The following TMEM91 variants were observed in gnomAD, a reference collection of about 807,000 sequenced individuals.
TMEM91 encodes the protein transmembrane protein 91.
TMEM91 carries 6 observed loss-of-function variants against 13.3 expected under a neutral mutation model. That is an observed-to-expected ratio of 0.45 (90% confidence interval 0.25 to 0.89). The LOEUF (loss-of-function observed/expected upper bound fraction) is 0.89. Ranked by LOEUF, TMEM91 falls within the 40% of genes least tolerant of loss-of-function variation. TMEM91 has a pLI of 0.19. For missense variants in TMEM91, 193 were observed against 228.7 expected, an observed-to-expected ratio of 0.84 and a Z score of 1.01; for synonymous variants, 87 against 101.7, an observed-to-expected ratio of 0.86 and a Z score of 0.87.
chr19:41,370,752 T>C (rs1446791001), intron 1 of TMEM91, among the ~76,000 whole-genome samples: 1 of 151,388 alleles, frequency 6.6e-6, no homozygotes, highest in Non-Finnish European at 1.5e-5. Context: ...GCCTAGGCTG[T>C]GGTGTAGCAA....
upstream of TMEM91, among the ~76,000 whole-genome samples, chr19:41,371,565 G>A (rs1025235187): frequency 1.3e-4 from 19 of 151,598 alleles, no homozygotes; most frequent in African/African-American, 3.1e-4. Flanking sequence ...GACTACAGGC[G>A]CACACCACCA....
In TMEM91 at chr19:41,383,638, T is replaced by A. The variant is rs778126120; in HGVS notation, c.361-77T>A. ...ATGCATGAATGAATGAATGGGTATGTTGGGTGGGGGAGGGACCAGGGGAAG... is the reference window on the plus strand; with the variant it reads ...ATGCATGAATGAATGAATGGGTATGATGGGTGGGGGAGGGACCAGGGGAAG... On this transcript the variant is annotated intron_variant, in intron 3 of 3. Coordinates refer to ENST00000392002, the MANE Select transcript of TMEM91 (RefSeq NM_001098821.2). 1.9e-6 allele frequency: 3 copies of A among 1,614,008 alleles called. No individual in the cohort carries two copies. In the East Asian group the frequency reaches 6.7e-5, roughly 36 times the overall value.
intron 2 of TMEM91, among the ~76,000 whole-genome samples, chr19:41,381,231 C>T (rs940941396): frequency 6.6e-5 from 10 of 151,882 alleles, no homozygotes; most frequent in Non-Finnish European, 8.8e-5. Context: ...TGCTCCGTTG[C>T]TCAGGCTGGG....
At chr19:41,370,618 G>T (rs1003448306) in intron 1 of TMEM91, among the ~76,000 whole-genome samples, 1 of 151,780 alleles carries the variant, frequency 6.6e-6, no homozygotes, top group African/African-American at 2.4e-5. Context: ...TATTGGCCAC[G>T]CTGGTCTCGA....
At chr19:41,364,871 C>CTT (rs2038488101) in intron 1 of TMEM91, among the ~76,000 whole-genome samples, 1 of 151,732 alleles carries the variant, frequency 6.6e-6, no homozygotes, top group African/African-American at 2.4e-5. Context: ...TCAAGCCAGT[C>CTT]ATCAGGTCCC....
upstream of TMEM91, among the ~76,000 whole-genome samples, chr19:41,372,216 G>A (rs1159424955): frequency 1.3e-5 from 2 of 152,108 alleles, no homozygotes; most frequent in Non-Finnish European, 2.9e-5. Context: ...GCATGGTTGT[G>A]CGTGCCTGTA....
intron 1 of TMEM91, chr19:41,364,123 C>G (rs563383867): frequency 6.1e-6 from 1 of 164,596 alleles, no homozygotes; most frequent in African/African-American, 2.4e-5. Flanking sequence ...CGCGACCGCG[C>G]TCGTCTTGGT....
chr19:41,368,560 C>T (rs1451122099), intron 1 of TMEM91, among the ~76,000 whole-genome samples: 1 of 151,900 alleles, frequency 6.6e-6, no homozygotes, highest in Non-Finnish European at 1.5e-5. Context: ...CAGGCATGTG[C>T]CACCACACCC....
chr19:41,373,930 G>T (rs886623733), upstream of TMEM91: 5 of 152,034 alleles, frequency 3.3e-5, no homozygotes, highest in African/African-American at 1.2e-4. Context: ...CTCCCTCCTC[G>T]GCCTCCCAAA....
Position 41,376,834 on chromosome 19 carries a change from C to T in TMEM91, c.-50C>T, listed in dbSNP as rs1196320940. The T allele has an allele frequency of 6.6e-6, 1 of 152,444 alleles. No homozygotes were observed. The highest frequency in any genetic ancestry group is 1.5e-5 in the Non-Finnish European group (1 of 68,242). 9.4% of individuals were successfully genotyped at this position (152,444 alleles called of 1,614,324 possible). A position where few individuals can be genotyped will look rare whatever the true frequency, so the allele number is the denominator to read the frequency against. On this transcript the variant is annotated 5_prime_UTR_variant, in exon 1 of 4. Transcript: ENST00000392002. ...GTGTCATTGCGAGGGTTCAGGAAGC[C>T]CCGGCCTGTGATCGTGAGCGGTGAG...
At chr19:41,380,496 C>T (rs1174186593) in intron 2 of TMEM91, among the ~76,000 whole-genome samples, 4 of 152,212 alleles carry the variant, frequency 2.6e-5, no homozygotes, top group East Asian at 1.9e-4. Flanking sequence ...CATGTGGGGC[C>T]GGGCGCTGTG....
intron 1 of TMEM91, among the ~76,000 whole-genome samples, chr19:41,369,610 G>A (rs2038582503): frequency 6.6e-6 from 1 of 151,280 alleles, no homozygotes; most frequent in South Asian, 2.1e-4. Context: ...TTCGAGACAA[G>A]CCTGGCCAAC....
intron 3 of TMEM91, 102 bp downstream of exon 3, chr19:41,383,023 C>A: frequency 6.7e-7 from 1 of 1,483,678 alleles, no homozygotes; most frequent in Non-Finnish European, 9.1e-7. Context: ...TGGAAGGTAG[C>A]CCAGAGAACC....
At chr19:41,382,349 T>C (rs1013118656) in intron 2 of TMEM91, among the ~76,000 whole-genome samples, 3 of 151,950 alleles carry the variant, frequency 2.0e-5, no homozygotes, top group Non-Finnish European at 4.4e-5. Flanking sequence ...TCTGGCCAGG[T>C]GTGGTGGCTC....
intron 1 of TMEM91, 81 bp from the exon 2 acceptor site, chr19:41,378,200 T>C: frequency 9.3e-7 from 1 of 1,073,680 alleles, no homozygotes; most frequent in Non-Finnish European, 1.4e-6. Context: ...AGTCTCTGCC[T>C]GAGTCTCTCT....
At chr19:41,369,184 G>A (rs1347861039) in intron 1 of TMEM91, among the ~76,000 whole-genome samples, 1 of 151,994 alleles carries the variant, frequency 6.6e-6, no homozygotes, top group Non-Finnish European at 1.5e-5. Context: ...TTTTGTTGTT[G>A]TTGTTGTTTT....
intron 1 of TMEM91, among the ~76,000 whole-genome samples, chr19:41,369,742 A>C (rs1445211418): frequency 6.6e-6 from 1 of 151,692 alleles, no homozygotes; most frequent in Non-Finnish European, 1.5e-5. Context: ...CAGGAGGTGG[A>C]GGTTGCAGTG....
chr19:41,378,267 C>T lies in TMEM91; in HGVS notation c.-29-14C>T. ...GACTTTTACAACTTGTCTTTTTCTT[C>T]CCCCTACCCCTAGGAAACCCCTCCT... On this transcript the variant is annotated splice_polypyrimidine_tract_variant and intron_variant, in intron 1 of 3. Coordinates refer to ENST00000392002, the MANE Select transcript of TMEM91 (RefSeq NM_001098821.2). The T allele has an allele frequency of 5.1e-6, 8 of 1,574,018 alleles. No individual in the cohort carries two copies. The highest frequency in any genetic ancestry group is 6.9e-6 in the Non-Finnish European group (8 of 1,154,102).
rs1352795534 is a variant in TMEM91, at chr19:41,383,794, CCG to C, written c.441_442del (p.Val148ArgfsTer?). 1.2e-6 allele frequency: 2 copies of C among 1,611,180 alleles called. No homozygotes were observed. The highest frequency in any genetic ancestry group is 1.7e-5 in the Admixed American group (1 of 59,696). ...CGTGCCTTCCTGCTGGGGGTCCTCG[CCG>C]TCGGGCTGGGCGTGTGCACGTATGC... On this transcript the variant is annotated frameshift_variant, in exon 4 of 4. Transcript: ENST00000392002. LOFTEE classifies it high-confidence loss of function.
Sources: gnomAD v4.1 joint callset for allele counts (sites outside exome capture counted in the v4.1 genomes callset) on GRCh38, gnomAD v4.1.1 for gene constraint, MANE v1.5 for transcripts, NCBI Gene and HGNC (gene_info 2026-07-23, HGNC 2026-07-21) for gene names.